Variants in EPHA5 observed in about 807,000 individuals in gnomAD.
EPHA5 encodes EPH receptor A5, also known as ephrin type-A receptor 5.
EPHA5 carries 60 observed loss-of-function variants against 105.0 expected under a neutral mutation model. The ratio of observed to expected loss-of-function variants is 0.57; its 90% CI spans 0.46 to 0.71. The LOEUF (loss-of-function observed/expected upper bound fraction) is 0.71. Among genes scored for constraint, EPHA5 ranks in the 30% least tolerant of loss-of-function variants. The probability of loss-of-function intolerance (pLI) is 0.00; values close to 1 mark genes in which losing one functional copy is unlikely to be tolerated. For missense variants in EPHA5, 1,218 were observed against 1,274.7 expected (o/e 0.96, Z 0.68); for synonymous variants, 513 against 449.1 (o/e 1.14, Z -1.80).
At chr4:65,608,081 A>G (rs181945697) in intron 2 of EPHA5, among the ~76,000 whole-genome samples, 37 of 152,324 alleles carry the variant, frequency 2.4e-4, no homozygotes, top group African/African-American at 8.9e-4. Flanking sequence ...GGATAGCATT[A>G]GGAAAACTAC....
intron 3 of EPHA5, among the ~76,000 whole-genome samples, chr4:65,600,376 G>T (rs1302593282): frequency 6.6e-6 from 1 of 151,864 alleles, no homozygotes; most frequent in South Asian, 2.1e-4. Context: ...GAAAGTTGTA[G>T]CTTGCATGGA....
intron 2 of EPHA5, among the ~76,000 whole-genome samples, chr4:65,634,897 A>G (rs1182542912): frequency 6.6e-6 from 1 of 152,088 alleles, no homozygotes; most frequent in Non-Finnish European, 1.5e-5. Context: ...CCTCAACAAA[A>G]TACGAGATCA....
intron 5 of EPHA5, among the ~76,000 whole-genome samples, chr4:65,448,414 G>C (rs1380026247): frequency 6.6e-6 from 1 of 152,100 alleles, no homozygotes; most frequent in African/African-American, 2.4e-5. Flanking sequence ...TTGTGAGGCC[G>C]AGGAGGACAG....
At chr4:65,567,029 T>A (rs1198438109) in intron 3 of EPHA5, among the ~76,000 whole-genome samples, 2 of 151,600 alleles carry the variant, frequency 1.3e-5, no homozygotes, top group African/African-American at 4.8e-5. Flanking sequence ...ATACAAACAC[T>A]CCACACTTTT....
intron 7 of EPHA5, among the ~76,000 whole-genome samples, chr4:65,408,928 T>C (rs1276105872): frequency 6.6e-6 from 1 of 151,938 alleles, no homozygotes; most frequent in Non-Finnish European, 1.5e-5. Context: ...TAGCAAAGAC[T>C]TGAACCAACC....
At chr4:65,497,367 T>A (rs1266635876) in intron 3 of EPHA5, among the ~76,000 whole-genome samples, 2 of 152,264 alleles carry the variant, frequency 1.3e-5, no homozygotes, top group Non-Finnish European at 2.9e-5. Context: ...GATCTAATTA[T>A]AGTGATAGTA....
At chr4:65,484,008 T>C (rs2149196209) in intron 5 of EPHA5, among the ~76,000 whole-genome samples, 1 of 152,316 alleles carries the variant, frequency 6.6e-6, no homozygotes, top group East Asian at 1.9e-4. Flanking sequence ...GGAAGACAAA[T>C]TAATCTTGTA....
At chr4:65,401,773 A>T (rs1445082693) in intron 8 of EPHA5, among the ~76,000 whole-genome samples, 1 of 152,032 alleles carries the variant, frequency 6.6e-6, no homozygotes, top group Non-Finnish European at 1.5e-5. Flanking sequence ...CAAGCTTTGG[A>T]TTTGGCAGAA....
intron 11 of EPHA5, among the ~76,000 whole-genome samples, chr4:65,359,548 G>C (rs1425173450): frequency 6.6e-6 from 1 of 151,330 alleles, no homozygotes; most frequent in Non-Finnish European, 1.5e-5. Flanking sequence ...TCCATAAATT[G>C]CAACTCCTTT....
intron 3 of EPHA5, among the ~76,000 whole-genome samples, chr4:65,553,435 TACTC>T (rs1330845519): frequency 2.0e-5 from 3 of 152,066 alleles, no homozygotes; most frequent in South Asian, 2.1e-4. Flanking sequence ...AAACTTCTGT[TACTC>T]AATAATTGCA....
intron 3 of EPHA5, among the ~76,000 whole-genome samples, chr4:65,501,760 T>C (rs1448117517): frequency 6.6e-6 from 1 of 151,560 alleles, no homozygotes; most frequent in Non-Finnish European, 1.5e-5. Flanking sequence ...TTTTCCAAAA[T>C]TCATATGGAA....
chr4:65,602,339 C>A (rs566900778), intron 2 of EPHA5, 35 bp from the exon 3 acceptor site: 8 of 1,451,854 alleles, frequency 5.5e-6, no homozygotes, highest in Admixed American at 2.3e-5. Flanking sequence ...AAAAAAAATT[C>A]AAAAAATAGA....
chr4:65,651,709 C>T (rs189844132), intron 1 of EPHA5, among the ~76,000 whole-genome samples: 35 of 152,258 alleles, frequency 2.3e-4, no homozygotes, highest in Non-Finnish European at 4.4e-4. Flanking sequence ...ATAGACATTG[C>T]TCTTCAAAAG....
rs372501257 is a variant in EPHA5 at position 65,607,863 on chromosome 4, T to TTA, written c.247-5561_247-5560dup. Reference sequence around the variant, plus strand: ...ATCCAAAGGATTCTAAATCATTCTATTATAAAGACACATGCACATGCATGT... The same window carrying TTA: ...ATCCAAAGGATTCTAAATCATTCTATTATATAAAGACACATGCACATGCATGT... On this transcript the variant is annotated intron_variant, in intron 2 of 16. Transcript: ENST00000613740. Among the ~76,000 whole-genome samples the TTA allele has an allele frequency of 1.3e-3, 199 of 152,282 alleles. 2 individuals carry two copies. Among genetic ancestry groups the TTA allele is most frequent in the African/African-American group, 4.5e-3 (185 of 41,568 alleles).
chr4:65,483,717 C>T (rs1442693535), intron 5 of EPHA5, among the ~76,000 whole-genome samples: 4 of 152,042 alleles, frequency 2.6e-5, no homozygotes, highest in Non-Finnish European at 5.9e-5. Flanking sequence ...ACAGTTGATA[C>T]AGTAATATTT....
At chr4:65,546,217 T>C (rs1232665626) in intron 3 of EPHA5, among the ~76,000 whole-genome samples, 1 of 152,014 alleles carries the variant, frequency 6.6e-6, no homozygotes, top group African/African-American at 2.4e-5. Flanking sequence ...GCACTGAGAT[T>C]CTCAATTCTC....
intron 8 of EPHA5, among the ~76,000 whole-genome samples, chr4:65,384,714 T>C (rs1719913056): frequency 6.6e-6 from 1 of 151,946 alleles, no homozygotes; most frequent in South Asian, 2.1e-4. Flanking sequence ...TTCAGCTTAT[T>C]TCCACAGAAG....
intron 5 of EPHA5, among the ~76,000 whole-genome samples, chr4:65,458,841 T>C (rs1297818699): frequency 1.3e-5 from 2 of 152,106 alleles, no homozygotes; most frequent in Non-Finnish European, 2.9e-5. Flanking sequence ...ATTTACAAGA[T>C]TTATTTATGC....
intron 2 of EPHA5, among the ~76,000 whole-genome samples, chr4:65,607,496 A>C (rs1371384417): frequency 2.4e-5 from 1 of 41,106 alleles, no homozygotes; most frequent in Non-Finnish European, 8.4e-5. Context: ...ACAAACAAAA[A>C]AAAAAACATC....
Sources: gnomAD v4.1 joint callset for allele counts (sites outside exome capture counted in the v4.1 genomes callset) on GRCh38, gnomAD v4.1.1 for gene constraint, MANE v1.5 for transcripts, NCBI Gene and HGNC (gene_info 2026-07-23, HGNC 2026-07-21) for gene names.